KIAA1549L: variants seen among roughly 807,000 people sequenced by gnomAD.
The protein encoded by KIAA1549L is UPF0606 protein KIAA1549L.
KIAA1549L carries 88 observed loss-of-function variants against 160.7 expected under a neutral mutation model. The ratio of observed to expected loss-of-function variants is 0.55; its 90% CI spans 0.46 to 0.65. The LOEUF (loss-of-function observed/expected upper bound fraction) is 0.65, where lower values mean the gene tolerates loss of function less well. KIAA1549L is among the 30% of genes least tolerant of loss of function. The pLI, the probability that KIAA1549L is intolerant of heterozygous loss-of-function variation, is 0.00. For missense variants in KIAA1549L, 2,258 were observed against 2,437.5 expected (o/e 0.93, Z 1.55); for synonymous variants, 950 against 976.7 (o/e 0.97, Z 0.51).
chr11:33,538,221 C>G (rs551935364), intron 1 of KIAA1549L, among the ~76,000 whole-genome samples: 23 of 152,200 alleles, frequency 1.5e-4, no homozygotes, highest in African/African-American at 5.5e-4. Context: ...GGAAACTGCC[C>G]CAATGATTCA....
At chr11:33,573,579 T>A (rs924982477) in intron 9 of KIAA1549L, among the ~76,000 whole-genome samples, 3 of 152,194 alleles carry the variant, frequency 2.0e-5, no homozygotes, top group African/African-American at 7.2e-5. Flanking sequence ...ATTAACAACT[T>A]TTGAATTTTT....
chr11:33,611,217 C>T lies in KIAA1549L; in HGVS notation c.5279+1251C>T, dbSNP rs553851378. 6.2e-4 allele frequency among the ~76,000 whole-genome samples: 95 copies of T among 152,362 alleles called. 2 individuals are homozygous for T. The South Asian group carries it at 0.019, about 31-fold the overall frequency. On this transcript the variant is annotated intron_variant, in intron 15 of 20. Coordinates refer to ENST00000658780, the MANE Select transcript of KIAA1549L (RefSeq NM_012194.3). ...TTTGAGGCCACCTCTTTCCCATACA[C>T]AGTCTCCTTGGTGACTTCCCTCTGG...
At chr11:33,546,502 C>T (rs969547406) in intron 3 of KIAA1549L, among the ~76,000 whole-genome samples, 1 of 152,190 alleles carries the variant, frequency 6.6e-6, no homozygotes, top group African/African-American at 2.4e-5. Context: ...CCCCTTCTCT[C>T]CATCCTATTT....
At chr11:33,517,605 A>G (rs1853377718) in intron 1 of KIAA1549L, among the ~76,000 whole-genome samples, 1 of 152,158 alleles carries the variant, frequency 6.6e-6, no homozygotes, top group Non-Finnish European at 1.5e-5. Context: ...TGTCATTATT[A>G]TTAATGTTTA....
At chr11:33,574,910 C>T in intron 10 of KIAA1549L, 37 bp downstream of exon 10, 1 of 1,540,858 alleles carries the variant, frequency 6.5e-7, no homozygotes, top group Non-Finnish European at 8.9e-7. Flanking sequence ...CTTTTTAATG[C>T]CATTAAATGT....
chr11:33,663,054 C>T (rs556602296), intron 20 of KIAA1549L, among the ~76,000 whole-genome samples: 20 of 152,214 alleles, frequency 1.3e-4, no homozygotes, highest in Admixed American at 2.6e-4. Context: ...CAAGGTGAAA[C>T]GGGTGATTTA....
At chr11:33,473,236 A>G (rs1186391601) in intron 1 of KIAA1549L, among the ~76,000 whole-genome samples, 2 of 152,224 alleles carry the variant, frequency 1.3e-5, no homozygotes, top group East Asian at 1.9e-4. Flanking sequence ...ATGAATAACC[A>G]TAGTCCCTAC....
intron 1 of KIAA1549L, among the ~76,000 whole-genome samples, chr11:33,409,469 T>C (rs1019031836): frequency 6.6e-6 from 1 of 152,262 alleles, no homozygotes; most frequent in Non-Finnish European, 1.5e-5. Flanking sequence ...CCCTCCTCCT[T>C]TGTGCTTCAG....
intron 1 of KIAA1549L, among the ~76,000 whole-genome samples, chr11:33,478,686 A>G (rs1852345066): frequency 6.6e-6 from 1 of 152,228 alleles, no homozygotes; most frequent in Admixed American, 6.5e-5. Context: ...CACTTGAACT[A>G]TCTCATTTAA....
At chr11:33,383,067 G>A (rs1349061707) in intron 1 of KIAA1549L, among the ~76,000 whole-genome samples, 1 of 152,032 alleles carries the variant, frequency 6.6e-6, no homozygotes, top group Non-Finnish European at 1.5e-5. Flanking sequence ...TCCCTTTGCT[G>A]ACCCACATCC....
intron 1 of KIAA1549L, among the ~76,000 whole-genome samples, chr11:33,417,317 C>G (rs540296834): frequency 2.0e-5 from 3 of 152,176 alleles, no homozygotes; most frequent in Non-Finnish European, 4.4e-5. Context: ...TGACACCCCC[C>G]ACCCTGCCTC....
In KIAA1549L at chr11:33,574,857, C is replaced by T. The variant is rs188489993; in HGVS notation, c.4386C>T (p.Val1462=). The T allele has an allele frequency of 8.6e-5, 138 of 1,613,638 alleles. No individual in the cohort carries two copies. The African/African-American group carries it at 1.6e-3, about 18-fold the overall frequency. ...TGGCCTTGACCCTTCATCACGTTGT[C>T]CTTCTGCAAGCTGACCGTAAGGGAA... ...QRMALTLHHV[V]LLQADPVVKN... is the part of the protein sequence containing the mutation. The change falls in exon 10 of 21, where the codon GTC becomes GTT. Residue 1462 remains valine (V), a synonymous_variant. Transcript: ENST00000658780.
chr11:33,613,592 C>T (rs757670773), intron 15 of KIAA1549L, among the ~76,000 whole-genome samples: 1 of 152,096 alleles, frequency 6.6e-6, no homozygotes, highest in Non-Finnish European at 1.5e-5. Flanking sequence ...AACCAGATGT[C>T]GCGAGAACTC....
At chr11:33,446,653 T>A (rs79000354) in intron 1 of KIAA1549L, among the ~76,000 whole-genome samples, 11,101 of 152,200 alleles carry the variant, frequency 0.073, 1,037 homozygotes, top group African/African-American at 0.22. Context: ...AAGGCTTGAC[T>A]GGTGCTAGAG....
intron 1 of KIAA1549L, among the ~76,000 whole-genome samples, chr11:33,518,429 A>G (rs1181520227): frequency 6.6e-6 from 1 of 152,168 alleles, no homozygotes; most frequent in Non-Finnish European, 1.5e-5. Flanking sequence ...TCCCTTGAGT[A>G]TGATCCTGTA....
intron 1 of KIAA1549L, among the ~76,000 whole-genome samples, chr11:33,520,850 T>C (rs1853475386): frequency 6.6e-6 from 1 of 152,142 alleles, no homozygotes; most frequent in Non-Finnish European, 1.5e-5. Context: ...AACCTTGCAT[T>C]GAGTGTTTTG....
At chr11:33,643,255 T>C (rs540833382) in intron 16 of KIAA1549L, among the ~76,000 whole-genome samples, 4 of 152,066 alleles carry the variant, frequency 2.6e-5, no homozygotes, top group Non-Finnish European at 5.9e-5. Context: ...GTAGCACTTA[T>C]GTATGTGTGT....
Position 33,534,164 on chromosome 11 carries a change from C to T in KIAA1549L, c.239-7638C>T, listed in dbSNP as rs181811701. Among the ~76,000 whole-genome samples, 32 of 152,070 alleles carry T rather than the reference C, an allele frequency of 2.1e-4. No homozygotes were observed. In the East Asian group the frequency reaches 5.8e-3, roughly 28 times the overall value. On this transcript the variant is annotated intron_variant, in intron 1 of 20. Coordinates refer to ENST00000658780, the MANE Select transcript of KIAA1549L (RefSeq NM_012194.3). ...GTGGTGTGATCTTGGCTCACTGCAACGTCTGCCTCCCAGGTTCAAGTTATT... is the reference window on the plus strand; with the variant it reads ...GTGGTGTGATCTTGGCTCACTGCAATGTCTGCCTCCCAGGTTCAAGTTATT...
At chr11:33,421,977 G>A (rs1348576593) in intron 1 of KIAA1549L, among the ~76,000 whole-genome samples, 1 of 152,082 alleles carries the variant, frequency 6.6e-6, no homozygotes, top group Admixed American at 6.5e-5. Flanking sequence ...GCTGCTATTG[G>A]TCTGGGGACC....
Sources: gnomAD v4.1 joint callset for allele counts (sites outside exome capture counted in the v4.1 genomes callset) on GRCh38, gnomAD v4.1.1 for gene constraint, MANE v1.5 for transcripts, NCBI Gene and HGNC (gene_info 2026-07-23, HGNC 2026-07-21) for gene names.